FNBP1L: variants seen among roughly 807,000 people sequenced by gnomAD.
FNBP1L encodes the protein formin-binding protein 1-like.
FNBP1L carries 36 observed loss-of-function variants against 91.2 expected under a neutral mutation model. That is an observed-to-expected ratio of 0.39 (90% CI 0.30 to 0.52). The LOEUF (loss-of-function observed/expected upper bound fraction) is 0.52. Ranked by LOEUF, FNBP1L falls within the 20% of genes least tolerant of loss-of-function variation. The probability of loss-of-function intolerance (pLI) is 0.66; values close to 1 mark genes in which losing one functional copy is unlikely to be tolerated. For synonymous variants in FNBP1L, 242 were observed against 237.0 expected, an observed-to-expected ratio of 1.02 and a Z score of -0.19; for missense variants, 571 against 732.1, an observed-to-expected ratio of 0.78 and a Z score of 2.54.
intron 1 of FNBP1L, among the ~76,000 whole-genome samples, chr1:93,482,942 C>T (rs999889362): frequency 2.0e-5 from 3 of 151,272 alleles, no homozygotes; most frequent in Non-Finnish European, 4.4e-5. Flanking sequence ...GGCTTGAACC[C>T]AGGAGGCGGA....
intron 2 of FNBP1L, among the ~76,000 whole-genome samples, chr1:93,515,357 C>T (rs927470469): frequency 6.6e-6 from 1 of 151,104 alleles, no homozygotes; most frequent in Non-Finnish European, 1.5e-5. Flanking sequence ...GTCAGTGTGG[C>T]GATTCCTCAG....
intron 10 of FNBP1L, among the ~76,000 whole-genome samples, 197 bp from the exon 11 acceptor site, chr1:93,540,845 T>C (rs80143545): frequency 1.9e-4 from 2 of 10,692 alleles, no homozygotes; most frequent in African/African-American, 1.5e-3. Context: ...CAATGTATGC[T>C]TTTTTTTTTT....
At chr1:93,521,669 T>C (rs967048043) in intron 2 of FNBP1L, among the ~76,000 whole-genome samples, 7 of 152,230 alleles carry the variant, frequency 4.6e-5, no homozygotes, top group African/African-American at 1.7e-4. Context: ...ATTGGTTTTT[T>C]AATTTGTATT....
intron 1 of FNBP1L, among the ~76,000 whole-genome samples, chr1:93,495,087 C>A (rs938534410): frequency 4.6e-5 from 7 of 152,112 alleles, no homozygotes; most frequent in Non-Finnish European, 7.4e-5. Flanking sequence ...ACTAACTCTT[C>A]CTTTTATGGT....
chr1:93,552,102 G>T, intron 16 of FNBP1L: 1 of 1,123,702 alleles, frequency 8.9e-7, no homozygotes, highest in Non-Finnish European at 1.1e-6. Context: ...TGAATCATTA[G>T]TTATTAGGAT....
Position 93,523,526 on chromosome 1 carries a change from A to G in FNBP1L, c.342+35A>G, listed in dbSNP as rs754423537. On this transcript the variant is annotated intron_variant, in intron 4 of 16. Coordinates refer to ENST00000271234, the MANE Select transcript of FNBP1L (RefSeq NM_001164473.3). ...ACAATTTTCATCCAATTGCAATAGT[A>G]TATGAAATAGTCACACAGAAACACT... The G allele has an allele frequency of 1.2e-5, 18 of 1,561,342 alleles. 1 individual carries two copies. The African/African-American group carries it at 1.8e-4, about 15-fold the overall frequency.
At chr1:93,502,942 C>CT (rs1012580015) in intron 2 of FNBP1L, among the ~76,000 whole-genome samples, 6 of 152,108 alleles carry the variant, frequency 3.9e-5, no homozygotes, top group African/African-American at 9.7e-5. Context: ...TATAGTATGT[C>CT]TTTTATCCAA....
rs1307510328 is a variant in FNBP1L, at chr1:93,529,699, A to G, written c.453A>G (p.Gln151=). The change falls in exon 6 of 17, where the codon CAA becomes CAG. Residue 151 remains glutamine (Q), a synonymous_variant. Coordinates refer to ENST00000271234, the MANE Select transcript of FNBP1L (RefSeq NM_001164473.3). Reference sequence around the variant, plus strand: ...AATGTAGAGAGGCAGAAAAGGCACAACAGAGTTATGAAAGATTGGATAATG... The same window carrying G: ...AATGTAGAGAGGCAGAAAAGGCACAGCAGAGTTATGAAAGATTGGATAATG... ...ERECREAEKA[Q]QSYERLDNDT... The G allele has an allele frequency of 3.9e-6, 6 of 1,528,844 alleles. No homozygotes were observed. The highest frequency in any genetic ancestry group is 1.3e-5 in the South Asian group (1 of 77,764). The allele number at this position is 1,528,844 out of a possible 1,614,324, so 94.7% of individuals were successfully genotyped here. A position where few individuals can be genotyped will look rare whatever the true frequency, so the allele number is the denominator to read the frequency against.
In FNBP1L at chr1:93,448,203, G is replaced by A; in HGVS notation, c.-79G>A. 1 of 1,504,142 alleles carries A rather than the reference G, an allele frequency of 6.6e-7. No individual in the cohort carries two copies. The highest frequency in any genetic ancestry group is 1.2e-5 in the South Asian group (1 of 80,690). 93.2% of individuals were successfully genotyped at this position (1,504,142 alleles called of 1,614,324 possible). ...CGCTGAGCTGCTAGCCCGCCGGCCAGCGAGTGAGAGGTCGGACAGACTGTG... is the reference window on the plus strand; with the variant it reads ...CGCTGAGCTGCTAGCCCGCCGGCCAACGAGTGAGAGGTCGGACAGACTGTG... On this transcript the variant is annotated 5_prime_UTR_variant, in exon 1 of 17. Coordinates refer to ENST00000271234, the MANE Select transcript of FNBP1L (RefSeq NM_001164473.3).
chr1:93,502,005 CTG>C (rs1410280519), intron 2 of FNBP1L, among the ~76,000 whole-genome samples: 1 of 151,510 alleles, frequency 6.6e-6, no homozygotes, highest in African/African-American at 2.4e-5. Context: ...ATGAAAAAGA[CTG>C]TGGTAGATAA....
chr1:93,499,982 G>A (rs1670391537), intron 2 of FNBP1L, among the ~76,000 whole-genome samples: 2 of 152,192 alleles, frequency 1.3e-5, no homozygotes, highest in South Asian at 4.1e-4. Context: ...GAAATAGAGT[G>A]TGTGCTGAGC....
intron 2 of FNBP1L, among the ~76,000 whole-genome samples, chr1:93,518,815 A>G (rs926619952): frequency 1.3e-5 from 2 of 152,196 alleles, no homozygotes; most frequent in Non-Finnish European, 2.9e-5. Context: ...TGAATTTTAG[A>G]ATATTTTCAT....
At chr1:93,543,858 TA>T in intron 11 of FNBP1L, 1 of 247,762 alleles carries the variant, frequency 4.0e-6, no homozygotes, top group Non-Finnish European at 7.9e-6. Context: ...GGTATGATTT[TA>T]CTTATTCTGT....
intron 1 of FNBP1L, among the ~76,000 whole-genome samples, chr1:93,451,419 T>C (rs532556329): frequency 1.3e-5 from 2 of 152,278 alleles, no homozygotes; most frequent in South Asian, 4.1e-4. Flanking sequence ...TGTGTATAAA[T>C]ATGAAAAAAA....
At chr1:93,530,667 T>G (rs781309491) in intron 6 of FNBP1L, 88 bp from the exon 7 acceptor site, 7 of 1,434,004 alleles carry the variant, frequency 4.9e-6, no homozygotes, top group Non-Finnish European at 6.6e-6. Flanking sequence ...GCTTCTTCAT[T>G]GATAAAATCT....
At chr1:93,467,566 ATGGT>A (rs533348719) in intron 1 of FNBP1L, among the ~76,000 whole-genome samples, 145 of 152,302 alleles carry the variant, frequency 9.5e-4, no homozygotes, top group Non-Finnish European at 1.7e-3. Context: ...GTTGGTGGTG[ATGGT>A]TGTACAACAG....
At chr1:93,457,234 T>G (rs1668701821) in intron 1 of FNBP1L, among the ~76,000 whole-genome samples, 1 of 152,198 alleles carries the variant, frequency 6.6e-6, no homozygotes, top group Non-Finnish European at 1.5e-5. Flanking sequence ...TTGTAGGTTT[T>G]AAAATTTCAT....
intron 2 of FNBP1L, among the ~76,000 whole-genome samples, chr1:93,512,633 C>A (rs1185272784): frequency 2.0e-5 from 3 of 149,320 alleles, no homozygotes; most frequent in Non-Finnish European, 4.5e-5. Flanking sequence ...CAAAACCGCT[C>A]AACTACATGG....
intron 1 of FNBP1L, among the ~76,000 whole-genome samples, chr1:93,479,489 C>G (rs1260744791): frequency 6.6e-6 from 1 of 152,090 alleles, no homozygotes; most frequent in Non-Finnish European, 1.5e-5. Flanking sequence ...TTTCCCCACT[C>G]TAGTGAGCCT....
Sources: allele counts gnomAD v4.1 joint callset (sites outside exome capture counted in the v4.1 genomes callset), GRCh38; gene constraint gnomAD v4.1.1; transcripts MANE v1.5; gene names NCBI Gene and HGNC (gene_info 2026-07-23, HGNC 2026-07-21).